CNTN5: variants seen among roughly 807,000 people sequenced by gnomAD.
CNTN5 encodes contactin-5.
A neutral mutation model predicts 129.1 loss-of-function variants in CNTN5; 77 were observed. That is an observed-to-expected ratio of 0.60 (90% CI 0.50 to 0.72). The LOEUF is 0.72. CNTN5 is among the 30% of genes least tolerant of loss of function. The pLI is 0.00. For synonymous variants in CNTN5, 509 were observed against 465.6 expected (o/e 1.09, Z -1.20); for missense variants, 1,478 against 1,328.8 (o/e 1.11, Z -1.75).
intron 1 of CNTN5, among the ~76,000 whole-genome samples, chr11:99,322,013 A>G (rs17661249): frequency 0.28 from 42,539 of 151,970 alleles, 6,715 homozygotes; most frequent in Middle Eastern, 0.38. Flanking sequence ...TTGCTTACCA[A>G]ATTGTAGAGT....
chr11:100,151,957 AGAAT>A (rs1336457275), intron 13 of CNTN5, among the ~76,000 whole-genome samples: 15 of 152,178 alleles, frequency 9.9e-5, no homozygotes, highest in Non-Finnish European at 2.1e-4. Context: ...TCTTTCAGAC[AGAAT>A]TCTCTCCTGA....
At chr11:100,170,456 G>A (rs767118703) in intron 13 of CNTN5, among the ~76,000 whole-genome samples, 2 of 151,838 alleles carry the variant, frequency 1.3e-5, no homozygotes, top group Non-Finnish European at 1.5e-5. Context: ...TTATGGCACT[G>A]GCTAAGCCCT....
At chr11:100,333,289 A>T (rs1231202590) in intron 21 of CNTN5, among the ~76,000 whole-genome samples, 1 of 152,098 alleles carries the variant, frequency 6.6e-6, no homozygotes, top group Non-Finnish European at 1.5e-5. Flanking sequence ...ACAAATTGAA[A>T]CACATCATGC....
intron 15 of CNTN5, among the ~76,000 whole-genome samples, chr11:100,214,197 G>A (rs1335556180): frequency 7.2e-6 from 1 of 138,436 alleles, no homozygotes; most frequent in Non-Finnish European, 1.5e-5. Context: ...AAAAAAAAAT[G>A]TATGAAAGTT....
intron 6 of CNTN5, among the ~76,000 whole-genome samples, chr11:99,852,356 A>G (rs931000060): frequency 6.6e-6 from 1 of 152,222 alleles, no homozygotes; most frequent in Admixed American, 6.5e-5. Context: ...ACTTTAAAAT[A>G]CTGTATAGAT....
intron 3 of CNTN5, among the ~76,000 whole-genome samples, chr11:99,703,042 G>T (rs1350895652): frequency 6.6e-6 from 1 of 150,718 alleles, no homozygotes; most frequent in East Asian, 1.9e-4. Context: ...ATAGGACACA[G>T]GAAGAATTTT....
At chr11:100,103,347 C>T (rs565150609) in intron 13 of CNTN5, among the ~76,000 whole-genome samples, 1 of 152,174 alleles carries the variant, frequency 6.6e-6, no homozygotes, top group East Asian at 1.9e-4. Flanking sequence ...TAGTATTTTG[C>T]CTAATTCTGA....
intron 3 of CNTN5, among the ~76,000 whole-genome samples, chr11:99,793,941 G>A (rs1182100098): frequency 6.6e-6 from 1 of 152,164 alleles, no homozygotes; most frequent in Admixed American, 6.5e-5. Context: ...ATTAACTCAA[G>A]TGTTGAGTTC....
intron 1 of CNTN5, among the ~76,000 whole-genome samples, chr11:99,227,468 CTCT>C (rs1298482730): frequency 6.6e-6 from 1 of 151,924 alleles, no homozygotes; most frequent in African/African-American, 2.4e-5. Context: ...AAGCTAAAAA[CTCT>C]TCAACTCAAA....
intron 2 of CNTN5, among the ~76,000 whole-genome samples, chr11:99,381,719 C>T (rs1490453198): frequency 2.0e-5 from 3 of 152,122 alleles, no homozygotes; most frequent in South Asian, 2.1e-4. Context: ...TTCTAGGACT[C>T]CTATTATTAA....
chr11:99,542,042 CTT>C (rs1004214286), intron 2 of CNTN5, among the ~76,000 whole-genome samples: 2 of 149,796 alleles, frequency 1.3e-5, no homozygotes, highest in Non-Finnish European at 3.0e-5. Context: ...AAATTTATCT[CTT>C]TGTTTTTAAT....
At chr11:99,441,400 A>G (rs988453324) in intron 2 of CNTN5, among the ~76,000 whole-genome samples, 1 of 152,186 alleles carries the variant, frequency 6.6e-6, no homozygotes, top group Non-Finnish European at 1.5e-5. Context: ...ATTTTTGTCT[A>G]GATCTTTCCT....
intron 1 of CNTN5, among the ~76,000 whole-genome samples, chr11:99,232,668 G>A (rs1861064711): frequency 6.6e-6 from 1 of 151,908 alleles, no homozygotes; most frequent in Non-Finnish European, 1.5e-5. Context: ...TGATTGCCCT[G>A]GATCTTAAAC....
intron 15 of CNTN5, among the ~76,000 whole-genome samples, chr11:100,222,457 G>A (rs999951998): frequency 1.3e-5 from 2 of 152,004 alleles, no homozygotes; most frequent in African/African-American, 4.8e-5. Flanking sequence ...CAGGTTTGAG[G>A]AATTTTGTCC....
intron 8 of CNTN5, among the ~76,000 whole-genome samples, chr11:100,000,810 A>C (rs763080687): frequency 1.3e-5 from 2 of 152,200 alleles, no homozygotes; most frequent in Non-Finnish European, 2.9e-5. Context: ...TGCCTTCTGC[A>C]CATATGTAGG....
intron 7 of CNTN5, among the ~76,000 whole-genome samples, chr11:99,946,696 G>A (rs1342965525): frequency 1.3e-5 from 2 of 152,000 alleles, no homozygotes; most frequent in African/African-American, 2.4e-5. Context: ...ATCTCTGATA[G>A]AACATGAATG....
chr11:99,905,670 T>C (rs918456285), intron 6 of CNTN5, among the ~76,000 whole-genome samples: 6 of 152,200 alleles, frequency 3.9e-5, no homozygotes, highest in African/African-American at 1.4e-4. Context: ...TTTCTAAATG[T>C]GTGAAGAAAG....
At chr11:100,356,062 C>T in intron 24 of CNTN5, 55 bp from the exon 25 acceptor site, 1 of 1,215,018 alleles carries the variant, frequency 8.2e-7, no homozygotes, top group Non-Finnish European at 1.2e-6. Context: ...CAATTCTGTC[C>T]TAGCTCAAGC....
chr11:99,579,823 C>T (rs1265521966), intron 3 of CNTN5, among the ~76,000 whole-genome samples: 76 of 150,956 alleles, frequency 5.0e-4, no homozygotes, highest in Non-Finnish European at 9.9e-4. Flanking sequence ...GCCCTTTATT[C>T]CCTTCTCCTG....
Sources: gnomAD v4.1 joint callset for allele counts (sites outside exome capture counted in the v4.1 genomes callset) on GRCh38, gnomAD v4.1.1 for gene constraint, MANE v1.5 for transcripts, NCBI Gene and HGNC (gene_info 2026-07-23, HGNC 2026-07-21) for gene names.